The following PADI6 variants were observed in gnomAD, a reference collection of about 807,000 sequenced individuals.
PADI6 encodes peptidyl arginine deiminase 6.
A neutral mutation model predicts 78.2 loss-of-function variants in PADI6; 66 were observed. The ratio of observed to expected loss-of-function variants is 0.84; its 90% CI spans 0.69 to 1.04. The LOEUF (loss-of-function observed/expected upper bound fraction) is 1.04, where lower values mean the gene tolerates loss of function less well. PADI6 is among the 50% of genes least tolerant of loss of function. The pLI is 0.00. For synonymous variants in PADI6, 397 were observed against 346.9 expected (o/e 1.14, Z -1.60); for missense variants, 854 against 866.1 (o/e 0.99, Z 0.18).
chr1:17,391,967 A>G (rs1396955275), intron 8 of PADI6, 147 bp from the exon 9 acceptor site: 1 of 640,532 alleles, frequency 1.6e-6, no homozygotes, highest in African/African-American at 1.8e-5. Context: ...TGCCGAGGTC[A>G]GGGATGGTTG....
rs1366211464 is a variant in PADI6 at position 17,372,312 on chromosome 1, G to A, written c.67G>A (p.Val23Ile). The stretch of plus-strand genomic sequence containing the variant: ...CATCCACCTGTCCCTGGACAGCCCT[G>A]TCCATGCCGTTTGTGTGTTGGGCAC... ...SIIHLSLDSPVHAVCVLGTEI... is the reference protein window; with the variant it reads ...SIIHLSLDSPIHAVCVLGTEI... The change falls in exon 1 of 16, where the codon GTC becomes ATC. Residue 23 changes from valine to isoleucine, a missense_variant. Coordinates refer to ENST00000619609, the MANE Select transcript of PADI6 (RefSeq NM_207421.4). 1 of 1,613,964 alleles carries A rather than the reference G, an allele frequency of 6.2e-7. No individual in the cohort carries two copies. Among genetic ancestry groups the A allele is most frequent in the East Asian group, 2.2e-5 (1 of 44,846 alleles).
At chr1:17,375,295 T>C (rs111921900) in intron 2 of PADI6, 132 bp from the exon 3 acceptor site, 5 of 791,380 alleles carry the variant, frequency 6.3e-6, no homozygotes, top group African/African-American at 5.1e-5. Flanking sequence ...CCATACCAGC[T>C]CATAGGTGAG....
At chr1:17,372,407 GC>G in intron 1 of PADI6, 46 bp downstream of exon 1, 1 of 1,555,316 alleles carries the variant, frequency 6.4e-7, no homozygotes, top group Non-Finnish European at 8.9e-7. Context: ...AGACAGGCAG[GC>G]AGGCCTGGGA....
intron 11 of PADI6, 96 bp from the exon 12 acceptor site, chr1:17,394,853 CAG>C: frequency 7.2e-7 from 1 of 1,393,226 alleles, no homozygotes; most frequent in Non-Finnish European, 9.5e-7. Context: ...ACACAACGGT[CAG>C]AGGCCAGCTC....
chr1:17,394,362 C>T lies in PADI6; in HGVS notation c.1245C>T (p.Ser415=), dbSNP rs1232760800. 3 of 1,613,690 alleles carry T rather than the reference C, an allele frequency of 1.9e-6. No individual in the cohort carries two copies. The highest frequency in any genetic ancestry group is 8.5e-7 in the Non-Finnish European group (1 of 1,179,850). ...TEDHKVASMD[S]IGNLMVSPPV... ...ACCATAAAGTGGCCAGCATGGATTC[C>T]ATTGGGAACCTGATGGTGTCCCCAC... Residue 415 remains serine (S), a synonymous_variant, in exon 11 of 16, where the codon TCC becomes TCT. Coordinates refer to ENST00000619609, the MANE Select transcript of PADI6 (RefSeq NM_207421.4).
At chr1:17,386,900 T>C (rs1453228976) in intron 6 of PADI6, among the ~76,000 whole-genome samples, 1 of 152,172 alleles carries the variant, frequency 6.6e-6, no homozygotes, top group Non-Finnish European at 1.5e-5. Context: ...TTGGAGGAGC[T>C]GGAGATGGAG....
intron 9 of PADI6, among the ~76,000 whole-genome samples, chr1:17,393,627 C>T (rs2075214821): frequency 6.6e-6 from 1 of 152,164 alleles, no homozygotes; most frequent in South Asian, 2.1e-4. Context: ...GCATGAGCCA[C>T]CATGCCTGGC....
Position 17,393,957 on chromosome 1 carries a change from T to C in PADI6, c.1075-18T>C, listed in dbSNP as rs1391315296. ...AGATGTGTGACTGGCAAACAATCTG[T>C]CTTCCTCTCCATTCCAGGATGAGAT... On this transcript the variant is annotated intron_variant, in intron 9 of 15. Transcript: ENST00000619609. 1 of 1,606,146 alleles carries C rather than the reference T, an allele frequency of 6.2e-7. No individual in the cohort carries two copies. Among genetic ancestry groups the C allele is most frequent in the East Asian group, 2.2e-5 (1 of 44,818 alleles).
chr1:17,391,716 C>T (rs1453248185), intron 8 of PADI6, among the ~76,000 whole-genome samples: 6 of 152,146 alleles, frequency 3.9e-5, no homozygotes, highest in Admixed American at 2.6e-4. Flanking sequence ...TGTGGGGGGC[C>T]GAGGCAGGAG....
chr1:17,387,466 G>A (rs146626670), intron 6 of PADI6, among the ~76,000 whole-genome samples: 5 of 151,548 alleles, frequency 3.3e-5, no homozygotes, highest in South Asian at 4.2e-4. Context: ...GGAGGGGGGG[G>A]GGCCAGGCGT....
At chr1:17,384,034 C>T (rs908974964) in intron 6 of PADI6, among the ~76,000 whole-genome samples, 2 of 151,710 alleles carry the variant, frequency 1.3e-5, no homozygotes, top group Admixed American at 6.6e-5. Context: ...CCTATAATCC[C>T]AACTACTCAG....
At chr1:17,387,458 A>AGGG (rs71014946) in intron 6 of PADI6, among the ~76,000 whole-genome samples, 3 of 138,382 alleles carry the variant, frequency 2.2e-5, no homozygotes, top group South Asian at 2.5e-4. Flanking sequence ...AAAGAAAAGG[A>AGGG]GGGGGGGGGG....
intron 15 of PADI6, among the ~76,000 whole-genome samples, chr1:17,399,291 A>G (rs2075277993): frequency 6.6e-6 from 1 of 152,228 alleles, no homozygotes; most frequent in African/African-American, 2.4e-5. Flanking sequence ...ACATAGAGGT[A>G]CATCAGCCCT....
intron 6 of PADI6, among the ~76,000 whole-genome samples, 157 bp from the exon 7 acceptor site, chr1:17,388,224 A>C (rs2075142188): frequency 6.6e-6 from 1 of 152,236 alleles, no homozygotes; most frequent in South Asian, 2.1e-4. Flanking sequence ...CAAGACCTGA[A>C]TGCTAGAAAC....
At chr1:17,387,301 C>T (rs35813335) in intron 6 of PADI6, among the ~76,000 whole-genome samples, 32,062 of 151,860 alleles carry the variant, frequency 0.21, 3,582 homozygotes, top group Middle Eastern at 0.37. Flanking sequence ...AAAAACTAGC[C>T]GGGCATGGTG....
In PADI6 at chr1:17,388,465, A is replaced by G. The variant is rs1301887268; in HGVS notation, c.764A>G (p.Glu255Gly). 3 of 1,613,804 alleles carry G rather than the reference A, an allele frequency of 1.9e-6. No individual in the cohort carries two copies. Among genetic ancestry groups the G allele is most frequent in the East Asian group, 2.2e-5 (1 of 44,882 alleles). ...GCCCTCCTCGGGAACCACTTGAAGG[A>G]GACTTTCTACGTTGAAGCTATAGCA... The part of the protein sequence containing the change: ...TLALLGNHLK[E>G]TFYVEAIAFP... Residue 255 changes from glutamate to glycine, a missense_variant, in exon 7 of 16, where the codon GAG (glutamate) becomes GGG (glycine). Transcript: ENST00000619609.
At position 17,401,549 on chromosome 1, in the gene PADI6, A is replaced by C. The variant is rs953820426; in HGVS notation, c.*111A>C. The C allele has an allele frequency of 9.8e-7, 1 of 1,024,716 alleles. No homozygotes were observed. Among genetic ancestry groups the C allele is most frequent in the Non-Finnish European group, 1.4e-6 (1 of 705,594 alleles). The allele number at this position is 1,024,716 out of a possible 1,614,324, so 63.5% of individuals were successfully genotyped here. On this transcript the variant is annotated 3_prime_UTR_variant, in exon 16 of 16. Transcript: ENST00000619609. ...GAGGCTGGAGAGTCCAGGCAACAGA[A>C]CCCTTTCTTCCCTGTCTGCCCCGAC... is the stretch of plus-strand genomic sequence containing the variant.
intron 2 of PADI6, among the ~76,000 whole-genome samples, chr1:17,374,695 AC>A (rs2074997865): frequency 6.6e-6 from 1 of 152,112 alleles, no homozygotes; most frequent in Admixed American, 6.6e-5. Flanking sequence ...CTACCTGAGA[AC>A]CATTCTCTGC....
intron 4 of PADI6, among the ~76,000 whole-genome samples, chr1:17,380,737 A>G (rs2075065069): frequency 6.6e-6 from 1 of 151,990 alleles, no homozygotes; most frequent in Admixed American, 6.5e-5. Flanking sequence ...AGTCTCCTAG[A>G]TGAGAGGATT....
Sources: gnomAD v4.1 joint callset for allele counts (sites outside exome capture counted in the v4.1 genomes callset) on GRCh38, gnomAD v4.1.1 for gene constraint, MANE v1.5 for transcripts, NCBI Gene and HGNC (gene_info 2026-07-23, HGNC 2026-07-21) for gene names.